The following NCKAP5 variants were observed in gnomAD, a reference collection of about 807,000 sequenced individuals.
NCKAP5 encodes the protein nck-associated protein 5.
NCKAP5 carries 92 observed loss-of-function variants against 167.0 expected under a neutral mutation model. The observed-to-expected ratio is 0.55, with a 90% CI of 0.47 to 0.66. The LOEUF (loss-of-function observed/expected upper bound fraction) is 0.66, where lower values mean the gene tolerates loss of function less well. NCKAP5 is among the 30% of genes least tolerant of loss of function. The pLI is 0.00. For synonymous variants in NCKAP5, 891 were observed against 877.4 expected (o/e 1.02, Z -0.27); for missense variants, 2,378 against 2,315.0 (o/e 1.03, Z -0.56).
chr2:133,109,610 T>C (rs547442818), intron 6 of NCKAP5, among the ~76,000 whole-genome samples: 2 of 152,282 alleles, frequency 1.3e-5, no homozygotes, highest in Admixed American at 1.3e-4. Context: ...AAGCATTACT[T>C]GTGTGATACA....
chr2:133,281,969 C>T (rs769034146), intron 4 of NCKAP5, among the ~76,000 whole-genome samples: 2 of 152,142 alleles, frequency 1.3e-5, no homozygotes, highest in African/African-American at 4.8e-5. Context: ...TTGGCCAGAA[C>T]GTGTCCCATG....
chr2:132,958,004 C>T (rs1336961499), intron 8 of NCKAP5, among the ~76,000 whole-genome samples: 1 of 152,128 alleles, frequency 6.6e-6, no homozygotes, highest in Non-Finnish European at 1.5e-5. Context: ...TTTGAGTCCC[C>T]GTTCTGAAGG....
intron 3 of NCKAP5, among the ~76,000 whole-genome samples, chr2:133,412,424 A>G (rs189221682): frequency 6.6e-6 from 1 of 152,246 alleles, no homozygotes; most frequent in East Asian, 1.9e-4. Context: ...GACAGTCACC[A>G]TGTGCAGTGT....
Position 132,868,952 on chromosome 2 carries a change from G to A in NCKAP5, c.671C>T (p.Ala224Val). The change falls in exon 10 of 20, where the codon GCT (alanine) becomes GTT (valine). Residue 224 changes from alanine (A) to valine (V), a missense_variant. Physicochemically the swap from Ala to Val is moderately conservative, Grantham distance 64 (BLOSUM62 0). Transcript: ENST00000409261. Reference protein sequence around the residue: ...LDEVANQVVQALLTQKDLREE... With the variant: ...LDEVANQVVQVLLTQKDLREE... ...GTGACCTACCTTTTGAGTAAGCAGA[G>A]CTTGAACAACTTGGTTGGCTACCTT... The A allele has an allele frequency of 1.9e-6, 3 of 1,547,386 alleles. No homozygotes were observed. Among genetic ancestry groups the A allele is most frequent in the Non-Finnish European group, 2.6e-6 (3 of 1,146,624 alleles).
chr2:132,968,532 T>C (rs1047365094), intron 7 of NCKAP5, among the ~76,000 whole-genome samples: 3 of 152,196 alleles, frequency 2.0e-5, no homozygotes, highest in Non-Finnish European at 4.4e-5. Flanking sequence ...TTGGACTCAA[T>C]GTCTCTTCCA....
chr2:132,863,109 C>T (rs187783905), intron 10 of NCKAP5, among the ~76,000 whole-genome samples: 35 of 152,288 alleles, frequency 2.3e-4, no homozygotes, highest in Admixed American at 2.2e-3. Context: ...CATGAACCAC[C>T]ATGCCCGGCA....
In NCKAP5 at chr2:132,783,679, A is replaced by G. The variant is rs549374727; in HGVS notation, c.3132T>C (p.Gly1044=). 1 of 1,613,536 alleles carries G rather than the reference A, an allele frequency of 6.2e-7. No homozygotes were observed. Among genetic ancestry groups the G allele is most frequent in the South Asian group, 1.1e-5 (1 of 91,042 alleles). ...TTTGGCGAGGAGAGGTTTTGGGGAC[A>G]CCTCTCTTCGGAGAGACCTTTGGAG... ...LGPPKVSPKR[G]VPKTSPRQTL... The change falls in exon 14 of 20, where the codon GGT becomes GGC. Residue 1044 remains glycine, a synonymous_variant. Transcript: ENST00000409261.
chr2:132,864,472 T>A (rs907236758), intron 10 of NCKAP5, among the ~76,000 whole-genome samples: 1 of 152,192 alleles, frequency 6.6e-6, no homozygotes, highest in African/African-American at 2.4e-5. Flanking sequence ...CTGAGCAATG[T>A]GATACACTGG....
intron 6 of NCKAP5, among the ~76,000 whole-genome samples, chr2:133,097,062 C>T (rs982389004): frequency 1.3e-5 from 2 of 152,124 alleles, no homozygotes; most frequent in South Asian, 2.1e-4. Flanking sequence ...ACATTTGGAG[C>T]GAGGCATAGC....
intron 3 of NCKAP5, among the ~76,000 whole-genome samples, chr2:133,318,408 C>T (rs1681768616): frequency 6.6e-6 from 1 of 152,142 alleles, no homozygotes; most frequent in South Asian, 2.1e-4. Context: ...TCAGAAGTTC[C>T]ACAGATATCT....
chr2:133,374,839 A>G (rs1415679410), intron 3 of NCKAP5, among the ~76,000 whole-genome samples: 1 of 152,216 alleles, frequency 6.6e-6, no homozygotes, highest in Non-Finnish European at 1.5e-5. Context: ...TAAAAGCCTC[A>G]CAACTGGAGA....
intron 6 of NCKAP5, among the ~76,000 whole-genome samples, chr2:132,998,231 G>A (rs919916746): frequency 2.0e-5 from 3 of 152,094 alleles, no homozygotes; most frequent in African/African-American, 4.8e-5. Context: ...TATCTCTTCT[G>A]TAAAATTACA....
At chr2:133,403,368 A>G (rs1046130634) in intron 3 of NCKAP5, among the ~76,000 whole-genome samples, 1 of 152,222 alleles carries the variant, frequency 6.6e-6, no homozygotes, top group Non-Finnish European at 1.5e-5. Context: ...GCACCTCATA[A>G]GAGTAAAGTA....
intron 5 of NCKAP5, among the ~76,000 whole-genome samples, chr2:133,144,643 C>T (rs564185337): frequency 4.6e-5 from 7 of 152,266 alleles, no homozygotes; most frequent in East Asian, 1.9e-4. Flanking sequence ...CTGAAAATCA[C>T]GTAATATTTG....
At chr2:132,802,430 A>C (rs1685114651) in intron 11 of NCKAP5, among the ~76,000 whole-genome samples, 1 of 152,118 alleles carries the variant, frequency 6.6e-6, no homozygotes, top group African/African-American at 2.4e-5. Context: ...AGCTTCCTAG[A>C]GCCCCATTTC....
At chr2:133,215,944 C>A (rs1250303790) in intron 4 of NCKAP5, among the ~76,000 whole-genome samples, 1 of 151,910 alleles carries the variant, frequency 6.6e-6, no homozygotes, top group African/African-American at 2.4e-5. Context: ...AGCCGATGAA[C>A]AAAAATTAAT....
At chr2:132,774,830 G>A (rs1290432171) in intron 15 of NCKAP5, among the ~76,000 whole-genome samples, 1 of 152,174 alleles carries the variant, frequency 6.6e-6, no homozygotes, top group Non-Finnish European at 1.5e-5. Flanking sequence ...CAGGTGCTAT[G>A]GTTAGCTTTA....
intron 18 of NCKAP5, among the ~76,000 whole-genome samples, chr2:132,726,036 G>A (rs528691816): frequency 6.6e-6 from 1 of 152,286 alleles, no homozygotes; most frequent in South Asian, 2.1e-4. Context: ...CCAGGCTCAG[G>A]AAGGTCCCCA....
chr2:132,935,216 C>T (rs1696749378), intron 8 of NCKAP5, among the ~76,000 whole-genome samples: 1 of 152,116 alleles, frequency 6.6e-6, no homozygotes, highest in Non-Finnish European at 1.5e-5. Flanking sequence ...TTGATGACAG[C>T]CATTTATCCA....
Sources: allele counts gnomAD v4.1 joint callset (sites outside exome capture counted in the v4.1 genomes callset), GRCh38; gene constraint gnomAD v4.1.1; transcripts MANE v1.5; gene names NCBI Gene and HGNC (gene_info 2026-07-23, HGNC 2026-07-21).